Variants in GREB1L observed in about 807,000 individuals in gnomAD.
GREB1L encodes the protein GREB1 like retinoic acid receptor coactivator.
Under a neutral mutation model 200.8 loss-of-function variants are expected in GREB1L, and 17 were observed. The observed-to-expected ratio is 0.08, with a 90% CI of 0.06 to 0.13. The LOEUF (loss-of-function observed/expected upper bound fraction) is 0.13, where lower values mean the gene tolerates loss of function less well. Ranked by LOEUF, GREB1L falls within the 10% of genes least tolerant of loss-of-function variation. The pLI, the probability that GREB1L is intolerant of heterozygous loss-of-function variation, is 1.00. For missense variants in GREB1L, 1,657 were observed against 2,367.7 expected (o/e 0.70, Z 6.23); for synonymous variants, 789 against 893.0 (o/e 0.88, Z 2.08).
chr18:21,336,779 A>G (rs952343035), intron 1 of GREB1L, among the ~76,000 whole-genome samples: 1 of 152,188 alleles, frequency 6.6e-6, no homozygotes, highest in African/African-American at 2.4e-5. Context: ...TCTCAGGCAC[A>G]CTGGCATTTA....
At position 21,504,253 on chromosome 18, in the gene GREB1L, G is replaced by C. The variant is rs2036923147; in HGVS notation, c.4073-1159G>C. On this transcript the variant is annotated intron_variant, in intron 23 of 32. Transcript: ENST00000424526. ...TTGGCACTTTAAATGTACCATCTCTGGCTGGGCAGGGTGGCTCACACCTGT... is the reference window on the plus strand; with the variant it reads ...TTGGCACTTTAAATGTACCATCTCTCGCTGGGCAGGGTGGCTCACACCTGT... 2.2e-5 allele frequency among the ~76,000 whole-genome samples: 3 copies of C among 139,500 alleles called. No homozygotes were observed. In the Admixed American group the frequency reaches 2.2e-4, roughly 10 times the overall value. The allele number at this position is 139,500 out of a possible 152,430, so 91.5% of individuals were successfully genotyped here. A position where few individuals can be genotyped will look rare whatever the true frequency, so the allele number is the denominator to read the frequency against.
At chr18:21,465,803 G>T (rs1197483923) in intron 15 of GREB1L, among the ~76,000 whole-genome samples, 1 of 152,084 alleles carries the variant, frequency 6.6e-6, no homozygotes, top group South Asian at 2.1e-4. Flanking sequence ...ATTTATAAAG[G>T]ATATTTTAAA....
chr18:21,414,023 C>T (rs576838950), intron 7 of GREB1L, among the ~76,000 whole-genome samples: 15 of 152,276 alleles, frequency 9.9e-5, no homozygotes, highest in Admixed American at 8.5e-4. Context: ...GTAACAAGAA[C>T]ATTTAAAATA....
intron 1 of GREB1L, among the ~76,000 whole-genome samples, chr18:21,272,261 G>C (rs776532976): frequency 6.6e-6 from 1 of 152,204 alleles, no homozygotes; most frequent in African/African-American, 2.4e-5. Flanking sequence ...CTTCAAGATT[G>C]CTGTGGAAGG....
At chr18:21,455,957 G>A (rs1427592317) in intron 15 of GREB1L, among the ~76,000 whole-genome samples, 1 of 142,894 alleles carries the variant, frequency 7.0e-6, no homozygotes, top group Non-Finnish European at 1.5e-5. Context: ...AGGCAGGAGT[G>A]CAGTGGTACA....
intron 18 of GREB1L, among the ~76,000 whole-genome samples, chr18:21,487,908 G>A (rs1397171221): frequency 1.3e-5 from 2 of 152,030 alleles, no homozygotes; most frequent in African/African-American, 2.4e-5. Context: ...GTACTTGGGA[G>A]GTTGAGGCAG....
intron 32 of GREB1L, among the ~76,000 whole-genome samples, chr18:21,522,377 C>T (rs530900540): frequency 4.6e-5 from 7 of 151,122 alleles, no homozygotes; most frequent in African/African-American, 9.7e-5. Flanking sequence ...GGGAGGCTAA[C>T]GCAGGGGAAT....
At chr18:21,423,362 A>G (rs1204192632) in intron 7 of GREB1L, among the ~76,000 whole-genome samples, 2 of 152,150 alleles carry the variant, frequency 1.3e-5, no homozygotes, top group African/African-American at 4.8e-5. Flanking sequence ...GTTGTTGGTT[A>G]TCATAGTTTG....
intron 1 of GREB1L, among the ~76,000 whole-genome samples, chr18:21,327,398 C>T (rs761035587): frequency 2.0e-5 from 3 of 152,254 alleles, no homozygotes; most frequent in African/African-American, 7.2e-5. Flanking sequence ...CAGCATCCTA[C>T]GTAAGCCTTA....
At chr18:21,354,713 A>C (rs2039479591) in intron 1 of GREB1L, among the ~76,000 whole-genome samples, 1 of 152,150 alleles carries the variant, frequency 6.6e-6, no homozygotes, top group Non-Finnish European at 1.5e-5. Flanking sequence ...TTGAAATCTA[A>C]AGGGCAAAAG....
chr18:21,388,203 G>T (rs946434476), intron 4 of GREB1L, among the ~76,000 whole-genome samples: 5 of 152,060 alleles, frequency 3.3e-5, no homozygotes, highest in African/African-American at 1.2e-4. Context: ...TAAATTGCCT[G>T]TGTGGCTTGT....
At chr18:21,274,391 C>T (rs1448904785) in intron 1 of GREB1L, among the ~76,000 whole-genome samples, 1 of 150,766 alleles carries the variant, frequency 6.6e-6, no homozygotes, top group Non-Finnish European at 1.5e-5. Flanking sequence ...TATATATATA[C>T]ACACACACAA....
rs291788 is a variant in GREB1L at position 21,434,744 on chromosome 18, C to T, written c.833-4777C>T. Among the ~76,000 whole-genome samples the T allele has an allele frequency of 7.6e-3, 1,151 of 151,812 alleles. 21 individuals carry two copies. The highest frequency in any genetic ancestry group is 0.026 in the African/African-American group (1,072 of 41,332). On this transcript the variant is annotated intron_variant, in intron 7 of 32. Coordinates refer to ENST00000424526, the MANE Select transcript of GREB1L (RefSeq NM_001142966.3). Reference sequence around the variant, plus strand: ...AAAGTGCTTAAAATAGCATGCATCACGTGGTAACTTCTAGTGAGTGTTTGT... The same window carrying T: ...AAAGTGCTTAAAATAGCATGCATCATGTGGTAACTTCTAGTGAGTGTTTGT...
chr18:21,517,423 A>T (rs2037458322), intron 30 of GREB1L, among the ~76,000 whole-genome samples: 1 of 152,026 alleles, frequency 6.6e-6, no homozygotes, highest in Non-Finnish European at 1.5e-5. Flanking sequence ...CAGTGGCATG[A>T]TCCCAGCTCG....
At chr18:21,386,440 G>A (rs1168260693) in intron 4 of GREB1L, among the ~76,000 whole-genome samples, 2 of 151,980 alleles carry the variant, frequency 1.3e-5, no homozygotes, top group African/African-American at 2.4e-5. Flanking sequence ...ACAGGTGCCC[G>A]CCACCACGCC....
Position 21,510,053 on chromosome 18 carries a change from C to CA in GREB1L, c.4735+1473dup, listed in dbSNP as rs76427857. On this transcript the variant is annotated intron_variant, in intron 27 of 32. Coordinates refer to ENST00000424526, the MANE Select transcript of GREB1L (RefSeq NM_001142966.3). The stretch of plus-strand genomic sequence containing the variant: ...TGAAACCCCATCTCTACTAAAAATA[C>CA]AAAAAAAAAAATTAGCTGGGTGTGG... Among the ~76,000 whole-genome samples, 164 of 143,310 alleles carry CA rather than the reference C, an allele frequency of 1.1e-3. 1 individual carries two copies. Among genetic ancestry groups the CA allele is most frequent in the South Asian group, 5.1e-3 (23 of 4,536 alleles). 94.0% of individuals were successfully genotyped at this position (143,310 alleles called of 152,430 possible).
intron 1 of GREB1L, among the ~76,000 whole-genome samples, chr18:21,246,995 A>C (rs1272281172): frequency 1.3e-5 from 2 of 152,218 alleles, no homozygotes; most frequent in Non-Finnish European, 2.9e-5. Context: ...TTAGACTACA[A>C]AAAGCATGCC....
intron 1 of GREB1L, among the ~76,000 whole-genome samples, chr18:21,280,450 T>G (rs538001661): frequency 2.0e-5 from 3 of 152,220 alleles, no homozygotes; most frequent in Non-Finnish European, 4.4e-5. Flanking sequence ...AGTTTACCTA[T>G]TCACCTTTTG....
intron 6 of GREB1L, 142 bp downstream of exon 6, chr18:21,401,468 G>C: frequency 1.5e-6 from 1 of 661,472 alleles, no homozygotes; most frequent in Non-Finnish European, 2.5e-6. Context: ...AAAGCCTTCT[G>C]GTAGGTTATT....
Sources: allele counts gnomAD v4.1 joint callset (sites outside exome capture counted in the v4.1 genomes callset), GRCh38; gene constraint gnomAD v4.1.1; transcripts MANE v1.5; gene names NCBI Gene and HGNC (gene_info 2026-07-23, HGNC 2026-07-21).